Variants in KIAA1217 observed in about 807,000 individuals in gnomAD.
The protein encoded by KIAA1217 is sickle tail protein homolog.
KIAA1217 carries 88 observed loss-of-function variants against 163.9 expected under a neutral mutation model. The ratio of observed to expected loss-of-function variants is 0.54; its 90% CI spans 0.45 to 0.64. KIAA1217 has a LOEUF of 0.64. Among genes scored for constraint, KIAA1217 ranks in the 30% least tolerant of loss-of-function variants. KIAA1217 has a pLI of 0.00. For missense variants in KIAA1217, 2,372 were observed against 2,475.0 expected (o/e 0.96, Z 0.88); for synonymous variants, 903 against 923.1 (o/e 0.98, Z 0.39).
chr10:23,696,001 C>A (rs985291862), intron 1 of KIAA1217, among the ~76,000 whole-genome samples: 4 of 152,216 alleles, frequency 2.6e-5, no homozygotes, highest in Non-Finnish European at 4.4e-5. Context: ...CGCGCCGCTG[C>A]GGGTCCTCCG....
intron 2 of KIAA1217, among the ~76,000 whole-genome samples, chr10:24,163,717 A>G (rs2065222031): frequency 6.6e-6 from 1 of 152,226 alleles, no homozygotes. Flanking sequence ...AGGCTTGGAA[A>G]GCCTTCCAGC....
chr10:23,813,831 T>C (rs1837188103), intron 1 of KIAA1217, among the ~76,000 whole-genome samples: 1 of 152,154 alleles, frequency 6.6e-6, no homozygotes, highest in Non-Finnish European at 1.5e-5. Context: ...CAGTTCACAC[T>C]CTTCTAGTAA....
chr10:24,095,038 C>A (rs1433489150), intron 2 of KIAA1217, among the ~76,000 whole-genome samples: 1 of 152,298 alleles, frequency 6.6e-6, no homozygotes, highest in South Asian at 2.1e-4. Flanking sequence ...CCCTCCGAGC[C>A]AGGTGTGGGA....
At chr10:23,810,820 T>G (rs1377066690) in intron 1 of KIAA1217, among the ~76,000 whole-genome samples, 2 of 124,512 alleles carry the variant, frequency 1.6e-5, no homozygotes, top group Non-Finnish European at 3.1e-5. Context: ...ATACTAATTA[T>G]TATATATACT....
rs1022320857 is a variant in KIAA1217 at position 24,546,483 on chromosome 10, C to T, written c.*159C>T. On this transcript the variant is annotated 3_prime_UTR_variant, in exon 21 of 21. Transcript: ENST00000376454. ...TGGATTAATAGATTTCAGTAAAGCT[C>T]GTTCGTTTTGTTTGGTTTTCTTTTT... is the stretch of plus-strand genomic sequence containing the variant. 32 of 829,014 alleles carry T rather than the reference C, an allele frequency of 3.9e-5. No individual in the cohort carries two copies. In the East Asian group the frequency reaches 7.4e-4, roughly 19 times the overall value. 51.4% of individuals were successfully genotyped at this position (829,014 alleles called of 1,614,324 possible).
intron 2 of KIAA1217, among the ~76,000 whole-genome samples, chr10:24,151,493 C>T (rs565656832): frequency 8.9e-5 from 13 of 145,992 alleles, no homozygotes; most frequent in South Asian, 2.3e-4. Flanking sequence ...CTATGACAGG[C>T]GCTGGAGGAA....
intron 2 of KIAA1217, among the ~76,000 whole-genome samples, chr10:24,253,204 CTT>C (rs1193825004): frequency 6.6e-6 from 1 of 152,106 alleles, no homozygotes. Context: ...GGATTTTAAT[CTT>C]AATATAGTGC....
At chr10:24,054,097 G>A (rs1268764865) in intron 2 of KIAA1217, among the ~76,000 whole-genome samples, 1 of 152,222 alleles carries the variant, frequency 6.6e-6, no homozygotes. Flanking sequence ...CATGAGAGAT[G>A]AAGGCTGTGG....
chr10:24,382,052 A>G (rs746102429), intron 3 of KIAA1217, among the ~76,000 whole-genome samples: 2 of 134,736 alleles, frequency 1.5e-5, no homozygotes, highest in Non-Finnish European at 3.3e-5. Flanking sequence ...TTTACTTTCT[A>G]TCTTGCTTTG....
chr10:24,160,960 T>A (rs2065091139), intron 2 of KIAA1217, among the ~76,000 whole-genome samples: 1 of 152,192 alleles, frequency 6.6e-6, no homozygotes, highest in Admixed American at 6.5e-5. Flanking sequence ...GTCTATAAAT[T>A]CTTATTTGAA....
rs7358248 is a variant in KIAA1217 at position 23,969,010 on chromosome 10, G to A, written c.-320-38215G>A. 6.9e-3 allele frequency among the ~76,000 whole-genome samples: 1,048 copies of A among 152,186 alleles called. 11 individuals carry two copies. Among genetic ancestry groups the A allele is most frequent in the African/African-American group, 0.024 (1,010 of 41,532 alleles). ...CATACCTACAAGTGGAATTTCTGGG[G>A]CACATAGAAGCTCTATGTTTTTTTT... On this transcript the variant is annotated intron_variant, in intron 1 of 18. Transcript: ENST00000376462.
chr10:24,504,989 A>C (rs2068146880), intron 9 of KIAA1217, among the ~76,000 whole-genome samples: 1 of 152,158 alleles, frequency 6.6e-6, no homozygotes, highest in Non-Finnish European at 1.5e-5. Flanking sequence ...ACTCATTAGA[A>C]TTATTTGAAA....
At chr10:23,931,485 AT>A (rs1843250391) in intron 1 of KIAA1217, among the ~76,000 whole-genome samples, 1 of 152,140 alleles carries the variant, frequency 6.6e-6, no homozygotes, top group Admixed American at 6.5e-5. Context: ...TCTTGCACTG[AT>A]CATAGTGTGA....
At chr10:23,924,479 C>T (rs550367293) in intron 1 of KIAA1217, among the ~76,000 whole-genome samples, 15 of 152,120 alleles carry the variant, frequency 9.9e-5, no homozygotes, top group South Asian at 2.1e-4. Context: ...AAGATGATAC[C>T]GATTTTGTGA....
At chr10:24,344,477 G>A (rs1237619967) in intron 2 of KIAA1217, among the ~76,000 whole-genome samples, 1 of 152,222 alleles carries the variant, frequency 6.6e-6, no homozygotes, top group African/African-American at 2.4e-5. Flanking sequence ...TCTTCTTGCA[G>A]AGCAGGAAGT....
At chr10:24,247,970 G>A (rs1377712605) in intron 2 of KIAA1217, among the ~76,000 whole-genome samples, 1 of 152,166 alleles carries the variant, frequency 6.6e-6, no homozygotes, top group Non-Finnish European at 1.5e-5. Flanking sequence ...AGAAATGGTT[G>A]CCCTGGAATG....
intron 2 of KIAA1217, among the ~76,000 whole-genome samples, chr10:24,363,924 C>T (rs1179667382): frequency 1.3e-5 from 2 of 151,394 alleles, no homozygotes; most frequent in Non-Finnish European, 2.9e-5. Flanking sequence ...TACTGATTAT[C>T]ATTAGCATAG....
chr10:23,841,167 A>C (rs574223189), intron 1 of KIAA1217, among the ~76,000 whole-genome samples: 2 of 152,222 alleles, frequency 1.3e-5, no homozygotes, highest in Non-Finnish European at 2.9e-5. Flanking sequence ...GTGCTTTGTG[A>C]TAAATTTAGG....
chr10:24,543,324 C>CAAGGCATG lies in KIAA1217; in HGVS notation c.4054_4055insAAGGCATG (p.Pro1352GlnfsTer12). Reference sequence around the variant, plus strand: ...AGATTTTGGCCAAGTTGTTCTAAGACCCAAGGAGGCAAGGCATGCTAACGT... The same window carrying CAAGGCATG: ...AGATTTTGGCCAAGTTGTTCTAAGACAAGGCATGCCAAGGAGGCAAGGCATGCTAACGT... On this transcript the variant is annotated frameshift_variant, in exon 19 of 21. Transcript: ENST00000376454. LOFTEE classifies it high-confidence loss of function. The CAAGGCATG allele has an allele frequency of 6.2e-7, 1 of 1,614,090 alleles. No homozygotes were observed. Among genetic ancestry groups the CAAGGCATG allele is most frequent in the Non-Finnish European group, 8.5e-7 (1 of 1,180,024 alleles).
Sources: allele counts gnomAD v4.1 joint callset (sites outside exome capture counted in the v4.1 genomes callset), GRCh38; gene constraint gnomAD v4.1.1; transcripts MANE v1.5; gene names NCBI Gene and HGNC (gene_info 2026-07-23, HGNC 2026-07-21).